The following MCU variants were observed in gnomAD, a reference collection of about 807,000 sequenced individuals.
MCU encodes the protein calcium uniporter protein, mitochondrial.
MCU carries 12 observed loss-of-function variants against 45.2 expected under a neutral mutation model. The ratio of observed to expected loss-of-function variants is 0.27; its 90% CI spans 0.17 to 0.43. The LOEUF (loss-of-function observed/expected upper bound fraction) is 0.43. Among genes scored for constraint, MCU ranks in the 20% least tolerant of loss-of-function variants. The probability of loss-of-function intolerance (pLI) is 1.00; values close to 1 mark genes in which losing one functional copy is unlikely to be tolerated. For missense variants in MCU, 324 were observed against 436.7 expected (o/e 0.74, Z 2.30); for synonymous variants, 160 against 165.1 (o/e 0.97, Z 0.24).
intron 6 of MCU, among the ~76,000 whole-genome samples, chr10:72,872,886 A>G (rs1238905915): frequency 1.3e-5 from 2 of 151,218 alleles, no homozygotes; most frequent in African/African-American, 4.9e-5. Context: ...CATTCCCAGC[A>G]TTTCTCCACA....
chr10:72,700,359 G>T (rs1842745071), intron 1 of MCU, among the ~76,000 whole-genome samples: 1 of 152,166 alleles, frequency 6.6e-6, no homozygotes, highest in South Asian at 2.1e-4. Flanking sequence ...ACTGTGCCCG[G>T]CCAAATTCTT....
chr10:72,795,201 G>T (rs1349118231), intron 1 of MCU, among the ~76,000 whole-genome samples: 1 of 151,986 alleles, frequency 6.6e-6, no homozygotes, highest in African/African-American at 2.4e-5. Flanking sequence ...TGACTATATT[G>T]CCAAGTTTTT....
chr10:72,856,849 C>T (rs1845298975), intron 2 of MCU, among the ~76,000 whole-genome samples: 1 of 127,332 alleles, frequency 7.9e-6, no homozygotes, highest in African/African-American at 3.0e-5. Context: ...GAGCCTGAGG[C>T]AAAAGAATCG....
At chr10:72,808,606 G>T (rs1289740800) in intron 1 of MCU, among the ~76,000 whole-genome samples, 1 of 152,126 alleles carries the variant, frequency 6.6e-6, no homozygotes, top group East Asian at 1.9e-4. Context: ...GCATTAATCC[G>T]TTCTCACATA....
chr10:72,880,291 A>G (rs1252370306), intron 6 of MCU, among the ~76,000 whole-genome samples: 3 of 152,232 alleles, frequency 2.0e-5, no homozygotes, highest in Admixed American at 2.0e-4. Flanking sequence ...AAAATACAGA[A>G]GAAATGTACA....
intron 7 of MCU, 174 bp downstream of exon 7, chr10:72,884,556 C>T (rs1845751289): frequency 4.0e-6 from 2 of 498,356 alleles, no homozygotes; most frequent in Admixed American, 3.3e-5. Context: ...GGACATTTCT[C>T]TAGAAAGTTT....
intron 1 of MCU, among the ~76,000 whole-genome samples, chr10:72,726,591 G>A (rs1174974830): frequency 2.0e-5 from 3 of 151,786 alleles, no homozygotes; most frequent in African/African-American, 7.3e-5. Context: ...TAAGTAGTGG[G>A]ATTTCTGGTT....
intron 1 of MCU, among the ~76,000 whole-genome samples, chr10:72,823,320 A>G (rs1191005171): frequency 6.6e-6 from 1 of 152,194 alleles, no homozygotes; most frequent in African/African-American, 2.4e-5. Flanking sequence ...GATGGTAGTG[A>G]TGTTAGTAAT....
chr10:72,750,455 T>A (rs1274320133), intron 1 of MCU, among the ~76,000 whole-genome samples: 1 of 152,224 alleles, frequency 6.6e-6, no homozygotes, highest in Non-Finnish European at 1.5e-5. Flanking sequence ...ATTTGATTTT[T>A]AAGAGCGTTG....
intron 6 of MCU, among the ~76,000 whole-genome samples, chr10:72,876,717 C>T (rs889977849): frequency 5.9e-5 from 9 of 152,172 alleles, no homozygotes; most frequent in African/African-American, 1.7e-4. Context: ...GAATTTTACA[C>T]GATTTCCATC....
chr10:72,692,876 A>G (rs1162464044), intron 1 of MCU: 1 of 1,449,468 alleles, frequency 6.9e-7, no homozygotes, highest in South Asian at 1.4e-5. Context: ...CCCCTCTGTG[A>G]CTTCCTCTGT....
At chr10:72,810,535 T>C (rs1844526041) in intron 1 of MCU, among the ~76,000 whole-genome samples, 1 of 143,964 alleles carries the variant, frequency 6.9e-6, no homozygotes, top group Non-Finnish European at 1.5e-5. Flanking sequence ...TGGTGCAATC[T>C]CGGCTCACTG....
At position 72,778,639 on chromosome 10, in the gene MCU, G is replaced by A. The variant is rs963576071; in HGVS notation, c.151-55720G>A. On this transcript the variant is annotated intron_variant, in intron 1 of 7. Coordinates refer to ENST00000373053, the MANE Select transcript of MCU (RefSeq NM_138357.3). ...TCATGCTAGCAAGAACACTGTCCTT[G>A]TTTTGTAATAAACCAATATTCATAA... 2.0e-5 allele frequency among the ~76,000 whole-genome samples: 3 copies of A among 152,180 alleles called. No individual in the cohort carries two copies. The East Asian group carries it at 5.8e-4, about 29-fold the overall frequency.
chr10:72,794,538 A>G (rs1344837583), intron 1 of MCU, among the ~76,000 whole-genome samples: 1 of 152,184 alleles, frequency 6.6e-6, no homozygotes, highest in Non-Finnish European at 1.5e-5. Flanking sequence ...TTTCTTGCCT[A>G]TAGAAAGAAG....
chr10:72,882,127 T>C (rs1845712054), intron 6 of MCU, among the ~76,000 whole-genome samples: 1 of 152,232 alleles, frequency 6.6e-6, no homozygotes, highest in African/African-American at 2.4e-5. Context: ...TGGACACTTA[T>C]CACTTCCCCA....
In MCU at chr10:72,834,522, C is replaced by T. The variant is rs541767260; in HGVS notation, c.220+94C>T. The T allele has an allele frequency of 3.1e-4, 325 of 1,057,542 alleles. 1 individual carries two copies. The Middle Eastern group carries it at 0.01, about 33-fold the overall frequency. The allele number at this position is 1,057,542 out of a possible 1,614,324, so 65.5% of individuals were successfully genotyped here. On this transcript the variant is annotated intron_variant, in intron 2 of 7. Transcript: ENST00000373053. The stretch of plus-strand genomic sequence containing the variant: ...CTGACACAAAAATTTATAAACCATA[C>T]TCTTTCAGTTAAGGTGGGCTTAGGG...
intron 2 of MCU, among the ~76,000 whole-genome samples, chr10:72,856,552 T>C (rs1376546870): frequency 6.6e-6 from 1 of 152,084 alleles, no homozygotes; most frequent in Non-Finnish European, 1.5e-5. Flanking sequence ...TCTTAACATA[T>C]GTTTGCTATA....
At chr10:72,857,953 G>A (rs1445350028) in intron 2 of MCU, among the ~76,000 whole-genome samples, 1 of 152,178 alleles carries the variant, frequency 6.6e-6, no homozygotes, top group Non-Finnish European at 1.5e-5. Flanking sequence ...AGCTCATGAA[G>A]ACATTCAAGA....
At chr10:72,808,802 A>C (rs891424724) in intron 1 of MCU, among the ~76,000 whole-genome samples, 11 of 152,170 alleles carry the variant, frequency 7.2e-5, no homozygotes, top group Admixed American at 2.0e-4. Context: ...TGAAGGGGGA[A>C]GTGCTACACA....
Sources: gnomAD v4.1 joint callset for allele counts (sites outside exome capture counted in the v4.1 genomes callset) on GRCh38, gnomAD v4.1.1 for gene constraint, MANE v1.5 for transcripts, NCBI Gene and HGNC (gene_info 2026-07-23, HGNC 2026-07-21) for gene names.